Variants in TENM4 observed in about 807,000 individuals in gnomAD.
TENM4 encodes the protein teneurin transmembrane protein 4, also known as teneurin-4.
TENM4 carries 82 observed loss-of-function variants against 243.3 expected under a neutral mutation model. The ratio of observed to expected loss-of-function variants is 0.34; its 90% CI spans 0.28 to 0.40. The LOEUF (loss-of-function observed/expected upper bound fraction) is 0.40, where lower values mean the gene tolerates loss of function less well. Ranked by LOEUF, TENM4 falls within the 10% of genes least tolerant of loss-of-function variation. The probability of loss-of-function intolerance (pLI) is 1.00; values close to 1 mark genes in which losing one functional copy is unlikely to be tolerated. For synonymous variants in TENM4, 1,412 were observed against 1,456.3 expected (o/e 0.97, Z 0.69); for missense variants, 3,138 against 3,673.3 (o/e 0.85, Z 3.77).
chr11:78,925,634 C>CA (rs1209574535), intron 6 of TENM4, among the ~76,000 whole-genome samples: 2 of 152,066 alleles, frequency 1.3e-5, no homozygotes, highest in Non-Finnish European at 2.9e-5. Context: ...AAACTGTTTC[C>CA]ATATGGACCT....
intron 1 of TENM4, among the ~76,000 whole-genome samples, chr11:79,419,144 G>T (rs1011086168): frequency 6.6e-6 from 1 of 152,122 alleles, no homozygotes; most frequent in African/African-American, 2.4e-5. Context: ...GGACAAACTC[G>T]CATCTAAAGT....
At chr11:79,153,145 T>C (rs1366490434) in intron 3 of TENM4, among the ~76,000 whole-genome samples, 1 of 152,202 alleles carries the variant, frequency 6.6e-6, no homozygotes, top group Non-Finnish European at 1.5e-5. Flanking sequence ...AGAGGACCTG[T>C]GCTCAGGTTT....
intron 9 of TENM4, among the ~76,000 whole-genome samples, chr11:78,869,457 TA>T (rs2136237992): frequency 6.6e-6 from 1 of 152,234 alleles, no homozygotes; most frequent in South Asian, 2.1e-4. Flanking sequence ...GCATCAGCAT[TA>T]AAAAGGAAGC....
At chr11:79,099,215 C>A (rs775371330) in intron 4 of TENM4, among the ~76,000 whole-genome samples, 25 of 152,102 alleles carry the variant, frequency 1.6e-4, no homozygotes, top group South Asian at 2.1e-4. Context: ...CCCCTCCTGC[C>A]AGGGGTGCAT....
chr11:78,814,464 A>G, intron 12 of TENM4, 69 bp from the exon 13 acceptor site: 1 of 1,380,306 alleles, frequency 7.2e-7, no homozygotes, highest in Non-Finnish European at 1.0e-6. Flanking sequence ...CCAGGAATCA[A>G]GCTTTAGGTT....
chr11:79,022,423 G>A (rs945053074), intron 6 of TENM4, among the ~76,000 whole-genome samples: 1 of 152,060 alleles, frequency 6.6e-6, no homozygotes, highest in Non-Finnish European at 1.5e-5. Flanking sequence ...AACAGTCCCG[G>A]CAAAGGATCT....
intron 12 of TENM4, among the ~76,000 whole-genome samples, chr11:78,823,262 G>A (rs1857776190): frequency 6.6e-6 from 1 of 152,268 alleles, no homozygotes; most frequent in Non-Finnish European, 1.5e-5. Context: ...CGGCCTCAGC[G>A]CCTGCCCAGC....
chr11:79,173,824 A>C (rs1863102205), intron 3 of TENM4, among the ~76,000 whole-genome samples: 1 of 152,220 alleles, frequency 6.6e-6, no homozygotes, highest in Admixed American at 6.5e-5. Context: ...TCACAGTGAA[A>C]ACTGAAGTAC....
chr11:78,949,317 A>G (rs1857068340), intron 6 of TENM4, among the ~76,000 whole-genome samples: 1 of 152,212 alleles, frequency 6.6e-6, no homozygotes, highest in Non-Finnish European at 1.5e-5. Context: ...TATATATGTC[A>G]GTACTCTAGG....
intron 6 of TENM4, among the ~76,000 whole-genome samples, chr11:78,944,301 C>G (rs1856967055): frequency 6.6e-6 from 1 of 152,166 alleles, no homozygotes; most frequent in Admixed American, 6.5e-5. Flanking sequence ...CTGGTCCACA[C>G]TTTCCTACCC....
chr11:79,009,412 T>A (rs1858583176), intron 6 of TENM4, among the ~76,000 whole-genome samples: 1 of 152,130 alleles, frequency 6.6e-6, no homozygotes. Flanking sequence ...AACCTGGGGA[T>A]GTGGAGATGA....
At chr11:79,156,376 T>C (rs1331328321) in intron 3 of TENM4, among the ~76,000 whole-genome samples, 2 of 152,222 alleles carry the variant, frequency 1.3e-5, no homozygotes, top group Admixed American at 1.3e-4. Context: ...TCACGTTGTG[T>C]GTAACGCATA....
chr11:78,671,234 G>A (rs952883360), intron 31 of TENM4, among the ~76,000 whole-genome samples: 16 of 152,192 alleles, frequency 1.1e-4, no homozygotes, highest in Non-Finnish European at 2.9e-5. Context: ...CCCTGGGAAA[G>A]TTCTTCCCCT....
At chr11:79,339,209 A>G (rs550519723) in intron 1 of TENM4, among the ~76,000 whole-genome samples, 3 of 152,270 alleles carry the variant, frequency 2.0e-5, no homozygotes, top group Non-Finnish European at 2.9e-5. Context: ...GAACAACAGA[A>G]TCAATAGGCA....
intron 4 of TENM4, among the ~76,000 whole-genome samples, chr11:79,085,382 A>AAAT (rs1860786511): frequency 1.5e-5 from 1 of 67,218 alleles, no homozygotes; most frequent in Non-Finnish European, 3.2e-5. Flanking sequence ...GTCTCAAAAA[A>AAAT]AAAAAAGGGG....
rs55946704 is a variant in TENM4, at chr11:79,130,476, G to GAAA, written c.-66+18231_-66+18233dup. On this transcript the variant is annotated intron_variant, in intron 4 of 33. Coordinates refer to ENST00000278550, the MANE Select transcript of TENM4 (RefSeq NM_001098816.3). Reference sequence around the variant, plus strand: ...GAGAAAGGCAAAGCCCAATGCAAAGGAAAAAAAAAATACAAGAAGTGAAGG... The same window carrying GAAA: ...GAGAAAGGCAAAGCCCAATGCAAAGGAAAAAAAAAAAAATACAAGAAGTGAAGG... Among the ~76,000 whole-genome samples the GAAA allele has an allele frequency of 1.7e-3, 256 of 149,742 alleles. 4 individuals are homozygous for GAAA. In the East Asian group the frequency reaches 0.035, roughly 20 times the overall value.
chr11:78,903,584 G>A, intron 6 of TENM4, 61 bp from the exon 7 acceptor site: 2 of 1,536,752 alleles, frequency 1.3e-6, no homozygotes. Context: ...GGCTGGAAAA[G>A]CAGCCACGGA....
intron 1 of TENM4, among the ~76,000 whole-genome samples, chr11:79,349,876 G>A (rs1289827426): frequency 1.3e-5 from 2 of 152,212 alleles, no homozygotes; most frequent in East Asian, 3.8e-4. Flanking sequence ...GCCTAGAGGA[G>A]AATTCATACT....
At chr11:79,437,859 C>G (rs1460301770) in intron 1 of TENM4, among the ~76,000 whole-genome samples, 1 of 152,166 alleles carries the variant, frequency 6.6e-6, no homozygotes, top group Non-Finnish European at 1.5e-5. Flanking sequence ...TGGACCAGAG[C>G]CCCTCTGGCA....
Sources: gnomAD v4.1 joint callset for allele counts (sites outside exome capture counted in the v4.1 genomes callset) on GRCh38, gnomAD v4.1.1 for gene constraint, MANE v1.5 for transcripts, NCBI Gene and HGNC (gene_info 2026-07-23, HGNC 2026-07-21) for gene names.